PHB1: variants seen among roughly 807,000 people sequenced by gnomAD.
The protein encoded by PHB1 is prohibitin 1.
the PHB1 span, chr17:49,413,344 A>G: frequency 1.0e-6 from 1 of 974,060 alleles, no homozygotes. Context: ...TCCTCAGAGA[A>G]GGCCCTCTCT....
the PHB1 span, among the ~76,000 whole-genome samples, chr17:49,409,676 G>C: frequency 1.5e-4 from 23 of 151,532 alleles, no homozygotes; most frequent in South Asian, 8.3e-4. Flanking sequence ...TGAGTAGCTG[G>C]GATTACAGGC....
At chr17:49,414,627 T>C in the PHB1 span, 1 of 152,448 alleles carries the variant, frequency 6.6e-6, no homozygotes, top group Non-Finnish European at 1.5e-5. Context: ...ACATTTGTAA[T>C]AGCTTCTGGA....
the PHB1 span, among the ~76,000 whole-genome samples, chr17:49,408,538 C>T: frequency 1.3e-5 from 2 of 152,202 alleles, no homozygotes; most frequent in Admixed American, 1.3e-4. Flanking sequence ...TCCCTTGCCC[C>T]CTATACCAGG....
At chr17:49,404,706 G>C in the PHB1 span, 1 of 459,056 alleles carries the variant, frequency 2.2e-6, no homozygotes, top group Non-Finnish European at 4.0e-6. Context: ...GCCCAGGCCG[G>C]AACTCCAGCA....
chr17:49,407,124 G>A, the PHB1 span: 1 of 433,996 alleles, frequency 2.3e-6, no homozygotes, highest in African/African-American at 2.0e-5. Context: ...GCTTTTGATG[G>A]GGCCCACAGG....
the PHB1 span, chr17:49,413,144 A>C: frequency 2.0e-6 from 3 of 1,475,322 alleles, no homozygotes; most frequent in South Asian, 2.3e-5. Context: ...CTCCTAGGAA[A>C]GTGCAGTGAC....
chr17:49,413,111 G>A, the PHB1 span: 1 of 1,153,614 alleles, frequency 8.7e-7, no homozygotes, highest in Non-Finnish European at 1.3e-6. Context: ...AGTGTCACAT[G>A]GGCTATGCAG....
At chr17:49,413,009 G>A in the PHB1 span, 1 of 583,802 alleles carries the variant, frequency 1.7e-6, no homozygotes, top group Non-Finnish European at 3.1e-6. Context: ...AAGGTCAGGG[G>A]CTCTGATAAC....
At chr17:49,407,065 ACT>A in the PHB1 span, 8 of 573,116 alleles carry the variant, frequency 1.4e-5, no homozygotes, top group Non-Finnish European at 2.5e-5. Context: ...CCTGTATATT[ACT>A]CTGTCACTCT....
the PHB1 span, chr17:49,411,902 G>C: frequency 6.8e-7 from 1 of 1,463,394 alleles, no homozygotes; most frequent in Non-Finnish European, 9.4e-7. Flanking sequence ...AAAGGATCAT[G>C]TCTTTGAAAG....
the PHB1 span, chr17:49,408,952 G>C: frequency 3.8e-5 from 29 of 761,228 alleles, no homozygotes; most frequent in South Asian, 4.7e-4. Flanking sequence ...GCAGAAGGGA[G>C]GACCTAATAG....
chr17:49,409,532 G>GT, the PHB1 span: 11,902 of 724,754 alleles, frequency 0.016, no homozygotes, highest in Non-Finnish European at 0.019. Context: ...GAAAACAAGT[G>GT]TTTTTTTTTT....
the PHB1 span, among the ~76,000 whole-genome samples, chr17:49,414,524 C>T: frequency 6.6e-6 from 1 of 152,120 alleles, no homozygotes; most frequent in East Asian, 1.9e-4. Flanking sequence ...AATCCTCCCT[C>T]CCTACTTCCC....
At chr17:49,408,798 G>C in the PHB1 span, 2 of 471,230 alleles carry the variant, frequency 4.2e-6, no homozygotes. Flanking sequence ...ACATTTAGTG[G>C]TTAGAGACTA....
the PHB1 span, chr17:49,406,696 TG>T: frequency 1.7e-6 from 2 of 1,161,122 alleles, no homozygotes; most frequent in Non-Finnish European, 2.6e-6. Context: ...ACCCAGCAAA[TG>T]GGGAAGCTGA....
the PHB1 span, chr17:49,404,797 A>G: frequency 5.0e-6 from 3 of 596,346 alleles, no homozygotes; most frequent in South Asian, 6.0e-5. Context: ...AAGTAGATGG[A>G]TGTGAGAAGA....
chr17:49,412,891 GGT>G, the PHB1 span: 1 of 323,152 alleles, frequency 3.1e-6, no homozygotes, highest in African/African-American at 2.1e-5. Context: ...GCAGCATTTG[GGT>G]GGTGCGGCTT....
the PHB1 span, chr17:49,414,619 A>C: frequency 1.3e-5 from 2 of 152,036 alleles, no homozygotes; most frequent in African/African-American, 4.8e-5. Flanking sequence ...GGCCCTTTAC[A>C]TTTGTAATAG....
At chr17:49,406,484 G>A in the PHB1 span, among the ~76,000 whole-genome samples, 1 of 152,218 alleles carries the variant, frequency 6.6e-6, no homozygotes, top group Non-Finnish European at 1.5e-5. Flanking sequence ...AATACTCCAG[G>A]AGAAACATTT....
Sources: gnomAD v4.1 joint callset for allele counts (sites outside exome capture counted in the v4.1 genomes callset) on GRCh38, gnomAD v4.1.1 for gene constraint, MANE v1.5 for transcripts, NCBI Gene and HGNC (gene_info 2026-07-23, HGNC 2026-07-21) for gene names.